Variants in CADM2 observed in about 807,000 individuals in gnomAD.
CADM2 encodes immunoglobulin superfamily member 4D.
CADM2 carries 12 observed loss-of-function variants against 49.8 expected under a neutral mutation model. The observed-to-expected ratio is 0.24, with a 90% CI of 0.15 to 0.39. CADM2 has a LOEUF of 0.39. CADM2 is among the 10% of genes least tolerant of loss of function. The pLI is 1.00. For missense variants in CADM2, 378 were observed against 492.3 expected (o/e 0.77, Z 2.20); for synonymous variants, 214 against 175.4 (o/e 1.22, Z -1.74).
At chr3:85,657,953 A>G (rs2065264471) in intron 1 of CADM2, among the ~76,000 whole-genome samples, 1 of 151,928 alleles carries the variant, frequency 6.6e-6, no homozygotes, top group African/African-American at 2.4e-5. Flanking sequence ...ACACTAATTG[A>G]TGCCATATTG....
At chr3:85,810,333 A>G (rs2108121392) in intron 3 of CADM2, among the ~76,000 whole-genome samples, 1 of 152,216 alleles carries the variant, frequency 6.6e-6, no homozygotes, top group South Asian at 2.1e-4. Context: ...AAGAGTGTGG[A>G]TCTGGAAGAT....
intron 1 of CADM2, among the ~76,000 whole-genome samples, chr3:84,976,308 G>A (rs1386178159): frequency 1.3e-5 from 2 of 151,438 alleles, no homozygotes; most frequent in African/African-American, 2.4e-5. Context: ...AAAGTAGAAA[G>A]TATTTAAATT....
At chr3:85,599,277 C>G (rs758818956) in intron 1 of CADM2, among the ~76,000 whole-genome samples, 1 of 151,968 alleles carries the variant, frequency 6.6e-6, no homozygotes, top group East Asian at 1.9e-4. Context: ...AATTACTCAG[C>G]CTGAAGGCCA....
At chr3:85,317,140 A>C (rs920183478) in intron 1 of CADM2, among the ~76,000 whole-genome samples, 1 of 149,578 alleles carries the variant, frequency 6.7e-6, no homozygotes, top group African/African-American at 2.4e-5. Flanking sequence ...TTTTGGGGGG[A>C]TGGGGGGTGG....
intron 1 of CADM2, among the ~76,000 whole-genome samples, chr3:85,515,710 C>G (rs2106866900): frequency 6.6e-6 from 1 of 150,632 alleles, no homozygotes; most frequent in East Asian, 2.0e-4. Context: ...AACTCCTGAC[C>G]TCGTGGTCCG....
At chr3:84,980,216 T>C (rs2032087906) in intron 1 of CADM2, among the ~76,000 whole-genome samples, 1 of 152,176 alleles carries the variant, frequency 6.6e-6, no homozygotes, top group Non-Finnish European at 1.5e-5. Context: ...GCCAACACAG[T>C]TGCTTTCGAG....
chr3:85,235,738 A>G (rs888572214), intron 1 of CADM2, among the ~76,000 whole-genome samples: 5 of 151,930 alleles, frequency 3.3e-5, no homozygotes, highest in Admixed American at 3.3e-4. Context: ...GGTTATTTTT[A>G]TGTCCTCTTA....
chr3:85,440,287 G>A (rs918113206), intron 1 of CADM2, among the ~76,000 whole-genome samples: 1 of 152,078 alleles, frequency 6.6e-6, no homozygotes, highest in African/African-American at 2.4e-5. Flanking sequence ...ACTCAGAGAT[G>A]GAACACACCC....
intron 8 of CADM2, among the ~76,000 whole-genome samples, chr3:86,062,023 G>A (rs1489458553): frequency 6.6e-6 from 1 of 151,428 alleles, no homozygotes; most frequent in Admixed American, 6.6e-5. Flanking sequence ...TTTTGGCAAT[G>A]TACATTGACA....
At chr3:85,661,572 A>T (rs748785593) in intron 1 of CADM2, among the ~76,000 whole-genome samples, 13 of 151,996 alleles carry the variant, frequency 8.6e-5, no homozygotes, top group Non-Finnish European at 1.9e-4. Flanking sequence ...TAATCATGAT[A>T]TGAAATGTCC....
chr3:85,812,754 G>A (rs974022592), intron 3 of CADM2, among the ~76,000 whole-genome samples: 6 of 151,968 alleles, frequency 3.9e-5, no homozygotes, highest in Non-Finnish European at 8.8e-5. Flanking sequence ...CTGTGTCCAT[G>A]TGTTCTCCTT....
intron 1 of CADM2, among the ~76,000 whole-genome samples, chr3:85,355,831 A>C (rs568646853): frequency 6.6e-6 from 1 of 152,050 alleles, no homozygotes. Flanking sequence ...GAGGGGAAGA[A>C]GAGTGGGCTA....
At chr3:85,484,782 C>A (rs1286302717) in intron 1 of CADM2, among the ~76,000 whole-genome samples, 4 of 151,946 alleles carry the variant, frequency 2.6e-5, no homozygotes, top group Admixed American at 2.6e-4. Context: ...TTATTGACCT[C>A]ATTGATGGTT....
At chr3:85,931,728 A>G (rs569330338) in intron 6 of CADM2, among the ~76,000 whole-genome samples, 1 of 152,254 alleles carries the variant, frequency 6.6e-6, no homozygotes, top group South Asian at 2.1e-4. Context: ...GATAATTTGT[A>G]TGAAGGCAAA....
At chr3:85,773,180 G>A (rs543769105) in intron 2 of CADM2, among the ~76,000 whole-genome samples, 1 of 152,060 alleles carries the variant, frequency 6.6e-6, no homozygotes, top group South Asian at 2.1e-4. Flanking sequence ...AAAAAGACCT[G>A]TCAAAATGTC....
In CADM2 at chr3:85,303,930, T is replaced by C. The variant is rs553173001; in HGVS notation, c.61+344262T>C. Among the ~76,000 whole-genome samples, 3 of 151,952 alleles carry C rather than the reference T, an allele frequency of 2.0e-5. No homozygotes were observed. The South Asian group carries it at 6.2e-4, about 32-fold the overall frequency. On this transcript the variant is annotated intron_variant, in intron 1 of 9. Transcript: ENST00000383699. ...ATGTCAACAAACACCTCCGAACAAA[T>C]TACCAAAATCTTTAGGTCTTTGGAC...
intron 1 of CADM2, among the ~76,000 whole-genome samples, chr3:85,237,699 G>T (rs1256864079): frequency 1.3e-5 from 2 of 151,560 alleles, no homozygotes; most frequent in Admixed American, 1.3e-4. Flanking sequence ...TCTAAAGATT[G>T]TGCTTCTTAA....
chr3:85,550,267 ACAGTAAGC>A (rs1393120077), intron 1 of CADM2, among the ~76,000 whole-genome samples: 2 of 152,310 alleles, frequency 1.3e-5, no homozygotes, highest in South Asian at 2.1e-4. Context: ...AAATTCAAGG[ACAGTAAGC>A]CATGTATTGG....
In CADM2 at chr3:85,679,895, G is replaced by A. The variant is rs896823790; in HGVS notation, c.62-46627G>A. 5.9e-5 allele frequency among the ~76,000 whole-genome samples: 9 copies of A among 152,208 alleles called. No individual in the cohort carries two copies. The South Asian group carries it at 1.0e-3, about 18-fold the overall frequency. On this transcript the variant is annotated intron_variant, in intron 1 of 9. Coordinates refer to ENST00000383699, the MANE Select transcript of CADM2 (RefSeq NM_001167675.2). Reference sequence around the variant, plus strand: ...ATTGGGTATTAGTCAATTGTTTAAAGAGTAGGGCAGATATTCATTTTGCTA... The same window carrying A: ...ATTGGGTATTAGTCAATTGTTTAAAAAGTAGGGCAGATATTCATTTTGCTA...
Sources: allele counts gnomAD v4.1 joint callset (sites outside exome capture counted in the v4.1 genomes callset), GRCh38; gene constraint gnomAD v4.1.1; transcripts MANE v1.5; gene names NCBI Gene and HGNC (gene_info 2026-07-23, HGNC 2026-07-21).